The following TRPM1 variants were observed in gnomAD, a reference collection of about 807,000 sequenced individuals.
TRPM1 encodes transient receptor potential cation channel subfamily M member 1, also known as TRPM1-203 APA Isoform, Intron 10.
In TRPM1, 113 loss-of-function variants were observed where a neutral mutation model predicts 149.4. The observed-to-expected ratio is 0.76, with a 90% CI of 0.65 to 0.88. TRPM1 has a LOEUF of 0.88. Among genes scored for constraint, TRPM1 ranks in the 40% least tolerant of loss-of-function variants. The pLI, the probability that TRPM1 is intolerant of heterozygous loss-of-function variation, is 0.00. For synonymous variants in TRPM1, 741 were observed against 759.5 expected (o/e 0.98, Z 0.40); for missense variants, 1,976 against 2,038.7 (o/e 0.97, Z 0.59).
chr15:31,140,738 C>G (rs78724847), intron 1 of TRPM1, among the ~76,000 whole-genome samples: 35 of 152,342 alleles, frequency 2.3e-4, no homozygotes, highest in South Asian at 1.9e-3. Flanking sequence ...CCAAACAAAC[C>G]TCTTTTCTTT....
intron 4 of TRPM1, among the ~76,000 whole-genome samples, chr15:31,068,301 C>T (rs2034438411): frequency 6.6e-6 from 1 of 152,116 alleles, no homozygotes; most frequent in African/African-American, 2.4e-5. Context: ...ATAAAAGATG[C>T]CTGGTACCAT....
intron 1 of TRPM1, among the ~76,000 whole-genome samples, chr15:31,113,947 G>C (rs2035760613): frequency 1.3e-5 from 2 of 151,394 alleles, no homozygotes; most frequent in South Asian, 2.1e-4. Flanking sequence ...ATGTCCTGCA[G>C]ATTGGTCCAT....
intron 1 of TRPM1, among the ~76,000 whole-genome samples, chr15:31,153,336 T>C (rs1005959215): frequency 1.3e-5 from 2 of 152,210 alleles, no homozygotes; most frequent in South Asian, 2.1e-4. Context: ...TTCAGGTCTT[T>C]ATTTTTTAGA....
intron 2 of TRPM1, among the ~76,000 whole-genome samples, chr15:31,077,998 G>A (rs959782676): frequency 4.6e-5 from 7 of 152,096 alleles, no homozygotes; most frequent in African/African-American, 1.7e-4. Flanking sequence ...ATGTCTGTGG[G>A]GAGCTTGTGG....
intron 1 of TRPM1, among the ~76,000 whole-genome samples, chr15:31,156,374 G>T (rs2036377728): frequency 6.6e-6 from 1 of 151,978 alleles, no homozygotes; most frequent in South Asian, 2.1e-4. Context: ...GAAGAGATTA[G>T]CTGAGAGTCT....
At chr15:31,147,266 T>G (rs1469457636) in intron 1 of TRPM1, among the ~76,000 whole-genome samples, 1 of 152,242 alleles carries the variant, frequency 6.6e-6, no homozygotes, top group Admixed American at 6.5e-5. Context: ...CACGTTTATC[T>G]TTATTAAAGC....
chr15:31,111,166 G>T (rs1277653167), intron 1 of TRPM1, among the ~76,000 whole-genome samples: 1 of 152,124 alleles, frequency 6.6e-6, no homozygotes, highest in Non-Finnish European at 1.5e-5. Flanking sequence ...ATGAGTAAAG[G>T]TTGCAGCTGG....
intron 1 of TRPM1, among the ~76,000 whole-genome samples, chr15:31,147,856 A>G (rs2036242429): frequency 6.6e-6 from 1 of 152,170 alleles, no homozygotes; most frequent in Non-Finnish European, 1.5e-5. Flanking sequence ...CCAGGGGTCC[A>G]GGTCCCCAGG....
chr15:31,113,183 C>T (rs2035721435), intron 1 of TRPM1, among the ~76,000 whole-genome samples: 1 of 152,184 alleles, frequency 6.6e-6, no homozygotes, highest in South Asian at 2.1e-4. Flanking sequence ...CACGGCCCAC[C>T]TTCTCCAGCT....
intron 1 of TRPM1, among the ~76,000 whole-genome samples, chr15:31,091,994 C>T (rs1175481716): frequency 6.6e-6 from 1 of 151,972 alleles, no homozygotes; most frequent in Non-Finnish European, 1.5e-5. Context: ...CCAGATATGT[C>T]AAGGGGACTC....
At chr15:31,047,969 T>G (rs2033828840) in intron 13 of TRPM1, 30 bp from the exon 14 acceptor site, 1 of 1,609,662 alleles carries the variant, frequency 6.2e-7, no homozygotes, top group African/African-American at 1.3e-5. Context: ...GTGTGTTAAA[T>G]ATGTTTTTCT....
At chr15:31,064,821 G>T (rs2034324843) in intron 7 of TRPM1, among the ~76,000 whole-genome samples, 2 of 152,132 alleles carry the variant, frequency 1.3e-5, no homozygotes, top group Non-Finnish European at 2.9e-5. Context: ...GTTCATTTCA[G>T]CAGACATGCA....
chr15:31,113,356 A>C (rs1295364427), intron 1 of TRPM1, among the ~76,000 whole-genome samples: 1 of 152,006 alleles, frequency 6.6e-6, no homozygotes, highest in African/African-American at 2.4e-5. Flanking sequence ...AGCCAGGGCC[A>C]CCATGGACTG....
chr15:31,069,378 T>C (rs776911849), intron 4 of TRPM1: 156 of 978,680 alleles, frequency 1.6e-4, no homozygotes, highest in Non-Finnish European at 1.8e-4. Context: ...CAGAAGACTG[T>C]ATATTGCAGC....
In TRPM1 at chr15:31,077,626, G is replaced by T. The variant is rs2034740295; in HGVS notation, c.4-642C>A. On this transcript the variant is annotated intron_variant, in intron 2 of 27. Transcript: ENST00000256552. ...GGCAGGCTGTGGGGCAGGGGCCTCG[G>T]GGATCCCTGGAAGGGCTCGTGGGAG... is the stretch of plus-strand genomic sequence containing the variant. 3.3e-5 allele frequency among the ~76,000 whole-genome samples: 5 copies of T among 152,118 alleles called. No homozygotes were observed. In the South Asian group the frequency reaches 1.0e-3, roughly 31 times the overall value.
At chr15:31,092,842 A>C (rs1403739003) in intron 1 of TRPM1, among the ~76,000 whole-genome samples, 2 of 152,226 alleles carry the variant, frequency 1.3e-5, no homozygotes, top group Non-Finnish European at 2.9e-5. Context: ...GACTCTCCAA[A>C]CACAGCACAG....
chr15:31,124,654 C>CAA (rs57964365), intron 1 of TRPM1, among the ~76,000 whole-genome samples: 2,649 of 86,410 alleles, frequency 0.031, 103 homozygotes, highest in African/African-American at 0.1. Flanking sequence ...GACTCTGTCT[C>CAA]AAAAAAAAAA....
Position 31,046,091 on chromosome 15 carries a change from C to T in TRPM1, c.1794+113G>A, listed in dbSNP as rs1170326394. On this transcript the variant is annotated intron_variant, in intron 16 of 27. Transcript: ENST00000256552. ...GTCCTTTTATATAATTTGACTAAGA[C>T]ATCTAGGTAAATTTTGGTGAGTAGT... The T allele has an allele frequency of 2.8e-5, 27 of 951,150 alleles. No individual in the cohort carries two copies. The Admixed American group carries it at 4.8e-4, about 17-fold the overall frequency. 58.9% of individuals were successfully genotyped at this position (951,150 alleles called of 1,614,324 possible). A position where few individuals can be genotyped will look rare whatever the true frequency, so the allele number is the denominator to read the frequency against.
chr15:31,149,392 A>T (rs1451705130), intron 1 of TRPM1, among the ~76,000 whole-genome samples: 1 of 152,198 alleles, frequency 6.6e-6, no homozygotes, highest in Non-Finnish European at 1.5e-5. Flanking sequence ...TTCAGCAACT[A>T]CAAAGGGCTC....
Sources: gnomAD v4.1 joint callset for allele counts (sites outside exome capture counted in the v4.1 genomes callset) on GRCh38, gnomAD v4.1.1 for gene constraint, MANE v1.5 for transcripts, NCBI Gene and HGNC (gene_info 2026-07-23, HGNC 2026-07-21) for gene names.